The following OLFM2 variants were observed in gnomAD, a reference collection of about 807,000 sequenced individuals.
OLFM2 encodes the protein noelin-2.
OLFM2 carries 20 observed loss-of-function variants against 43.9 expected under a neutral mutation model. That is an observed-to-expected ratio of 0.46 (90% CI 0.32 to 0.66). The LOEUF is 0.66. Ranked by LOEUF, OLFM2 falls within the 30% of genes least tolerant of loss-of-function variation. OLFM2 has a pLI of 0.04. For synonymous variants in OLFM2, 268 were observed against 278.6 expected (o/e 0.96, Z 0.38); for missense variants, 416 against 643.6 (o/e 0.65, Z 3.83).
At chr19:9,862,534 A>G (rs2046372045) in intron 1 of OLFM2, among the ~76,000 whole-genome samples, 1 of 151,724 alleles carries the variant, frequency 6.6e-6, no homozygotes, top group Admixed American at 6.6e-5. Context: ...AAAAAAAATT[A>G]GCTGGATGTA....
chr19:9,924,495 G>A (rs188757501), intron 1 of OLFM2, among the ~76,000 whole-genome samples: 1 of 151,426 alleles, frequency 6.6e-6, no homozygotes, highest in East Asian at 1.9e-4. Context: ...CTGGGCTGAA[G>A]CCATCCTTCC....
chr19:9,920,341 T>C (rs2086411964), intron 1 of OLFM2, among the ~76,000 whole-genome samples: 1 of 152,164 alleles, frequency 6.6e-6, no homozygotes, highest in African/African-American at 2.4e-5. Flanking sequence ...TGCCCTGCAC[T>C]GTACTAACAC....
chr19:9,912,403 C>G (rs1181705926), intron 1 of OLFM2, among the ~76,000 whole-genome samples: 1 of 152,080 alleles, frequency 6.6e-6, no homozygotes, highest in South Asian at 2.1e-4. Context: ...CCATTTGGGG[C>G]TAAGCAAGGG....
Position 9,854,151 on chromosome 19 carries a change from G to C in OLFM2, c.*35C>G. On this transcript the variant is annotated 3_prime_UTR_variant, in exon 6 of 6. Coordinates refer to ENST00000264833, the MANE Select transcript of OLFM2 (RefSeq NM_058164.4). This position sits in a 1 kb window ranked among gnomAD's most constrained non-coding sequence, Gnocchi z 9.5. Reference sequence around the variant, plus strand: ...TGAAAAGGGCCCCCAGCCCCCAGAGGCCCCCCAGGCAGCAGCCCGAGCCAC... The same window carrying C: ...TGAAAAGGGCCCCCAGCCCCCAGAGCCCCCCCAGGCAGCAGCCCGAGCCAC... 2 of 1,604,290 alleles carry C rather than the reference G, an allele frequency of 1.2e-6. No individual in the cohort carries two copies. The highest frequency in any genetic ancestry group is 1.7e-6 in the Non-Finnish European group (2 of 1,171,772).
intron 1 of OLFM2, among the ~76,000 whole-genome samples, chr19:9,923,568 AAAG>A (rs2086433322): frequency 6.6e-6 from 1 of 150,760 alleles, no homozygotes; most frequent in Non-Finnish European, 1.5e-5. Flanking sequence ...AAAAAAAAAA[AAAG>A]AAAGAAAAGA....
intron 1 of OLFM2, among the ~76,000 whole-genome samples, chr19:9,875,859 G>A (rs1020194794): frequency 2.0e-5 from 3 of 151,934 alleles, no homozygotes; most frequent in Non-Finnish European, 4.4e-5. Flanking sequence ...TAGCTACCAC[G>A]GGGACCAAAA....
chr19:9,870,792 G>C (rs1207872682), intron 1 of OLFM2, among the ~76,000 whole-genome samples: 11 of 152,158 alleles, frequency 7.2e-5, no homozygotes, highest in Non-Finnish European at 1.3e-4. Flanking sequence ...GGGAGGTGGA[G>C]GTTGCTGTAA....
At chr19:9,870,462 G>T (rs1456064005) in intron 1 of OLFM2, among the ~76,000 whole-genome samples, 2 of 152,174 alleles carry the variant, frequency 1.3e-5, no homozygotes, top group Non-Finnish European at 2.9e-5. Flanking sequence ...TCCTTTTCCA[G>T]AATATCTCCT....
At chr19:9,860,908 C>A (rs2046361708) in intron 1 of OLFM2, 114 bp from the exon 2 acceptor site, 1 of 1,075,826 alleles carries the variant, frequency 9.3e-7, no homozygotes. Context: ...GGGCTCCGGG[C>A]ATATGCCAGT....
At chr19:9,922,293 CAT>C (rs1375665222) in intron 1 of OLFM2, among the ~76,000 whole-genome samples, 2 of 144,190 alleles carry the variant, frequency 1.4e-5, no homozygotes, top group Non-Finnish European at 3.1e-5. Context: ...CACACACACA[CAT>C]TCCTACAAAT....
Position 9,854,667 on chromosome 19 carries a change from G to T in OLFM2, c.884C>A (p.Ser295Ter), listed in dbSNP as rs925669211. ...GCTCCTCTGCACCAGCACAGAGCGC[G>T]AGCGGAAGTGGTATTTGACCACCAC... The part of the protein sequence containing the change: ...SNVVVKYHFR[S>*]RSVLVQRSLP... The change falls in exon 6 of 6, where the codon TCG (serine) becomes TAG (stop). Residue 295 changes from serine to a stop codon, truncating the protein, a stop_gained. Coordinates refer to ENST00000264833, the MANE Select transcript of OLFM2 (RefSeq NM_058164.4). LOFTEE classifies it high-confidence loss of function. This position sits in a 1 kb window ranked among gnomAD's most constrained non-coding sequence, Gnocchi z 9.5. 1.9e-6 allele frequency: 3 copies of T among 1,614,104 alleles called. No homozygotes were observed. The highest frequency in any genetic ancestry group is 2.5e-6 in the Non-Finnish European group (3 of 1,180,046).
chr19:9,888,368 AC>A (rs2046606755), intron 1 of OLFM2, among the ~76,000 whole-genome samples: 1 of 151,290 alleles, frequency 6.6e-6, no homozygotes, highest in Non-Finnish European at 1.5e-5. Context: ...TACTAAAAAT[AC>A]AAAAATTAGC....
chr19:9,908,944 A>C (rs1251514645), intron 1 of OLFM2, among the ~76,000 whole-genome samples: 2 of 152,064 alleles, frequency 1.3e-5, no homozygotes, highest in East Asian at 3.9e-4. Flanking sequence ...GGCCTCAAGC[A>C]ATCTTCCCAC....
rs570856356 is a variant in OLFM2, at chr19:9,897,933, C to T, written c.64-37139G>A. Among the ~76,000 whole-genome samples, 14 of 152,052 alleles carry T rather than the reference C, an allele frequency of 9.2e-5. No individual in the cohort carries two copies. The South Asian group carries it at 1.7e-3, about 18-fold the overall frequency. On this transcript the variant is annotated intron_variant, in intron 1 of 5. Transcript: ENST00000264833. ...TTATTTTTACTTTTAGACAGGGTCT[C>T]GCTCTGTCACCCAGGCTGGAGCACA...
At position 9,872,820 on chromosome 19, in the gene OLFM2, G is replaced by A. The variant is rs930758367; in HGVS notation, c.64-12026C>T. ...CATTCATTCATTCATCCATTCACTC[G>A]TATTCATTCATCCAACCATCCATTT... On this transcript the variant is annotated intron_variant, in intron 1 of 5. Coordinates refer to ENST00000264833, the MANE Select transcript of OLFM2 (RefSeq NM_058164.4). 7.9e-5 allele frequency among the ~76,000 whole-genome samples: 12 copies of A among 151,112 alleles called. No homozygotes were observed. In the South Asian group the frequency reaches 8.4e-4, roughly 11 times the overall value.
chr19:9,888,081 C>T (rs968739845), intron 1 of OLFM2, among the ~76,000 whole-genome samples: 3 of 152,126 alleles, frequency 2.0e-5, no homozygotes, highest in African/African-American at 7.2e-5. Flanking sequence ...TCCACTCTCC[C>T]TCTCACTCAC....
intron 1 of OLFM2, among the ~76,000 whole-genome samples, chr19:9,920,120 A>T (rs922808932): frequency 2.0e-5 from 3 of 151,990 alleles, no homozygotes; most frequent in Admixed American, 6.6e-5. Flanking sequence ...CACCAAAAAA[A>T]TTTTTTTAAG....
At position 9,936,359 on chromosome 19, in the gene OLFM2, G is replaced by T; in HGVS notation, c.8C>A (p.Pro3Gln). 1.4e-5 allele frequency: 21 copies of T among 1,498,758 alleles called. No individual in the cohort carries two copies. The highest frequency in any genetic ancestry group is 1.9e-5 in the Non-Finnish European group (21 of 1,130,898). 92.8% of individuals were successfully genotyped at this position (1,498,758 alleles called of 1,614,324 possible). MW[P>Q]LTVPPPLLLL... ...CAGCAGCGGCGGCGGGACCGTGAGC[G>T]GCCACATGACGCGCCCCTAGCCCGG... The change falls in exon 1 of 6, where the codon CCG (proline) becomes CAG (glutamine). Residue 3 changes from proline to glutamine, a missense_variant. Coordinates refer to ENST00000264833, the MANE Select transcript of OLFM2 (RefSeq NM_058164.4).
chr19:9,912,853 G>A (rs1196240329), intron 1 of OLFM2, among the ~76,000 whole-genome samples: 1 of 151,768 alleles, frequency 6.6e-6, no homozygotes, highest in African/African-American at 2.4e-5. Flanking sequence ...AGGGGTGCAG[G>A]GGAGAGAAAA....
Sources: gnomAD v4.1 joint callset for allele counts (sites outside exome capture counted in the v4.1 genomes callset) on GRCh38, gnomAD v4.1.1 for gene constraint, Gnocchi (gnomAD v3.1) non-coding constraint, MANE v1.5 for transcripts, NCBI Gene and HGNC (gene_info 2026-07-23, HGNC 2026-07-21) for gene names.